The following HYOU1 variants were observed in gnomAD, a reference collection of about 807,000 sequenced individuals.
HYOU1 encodes hypoxia up-regulated protein 1.
HYOU1 carries 40 observed loss-of-function variants against 120.5 expected under a neutral mutation model. The ratio of observed to expected loss-of-function variants is 0.33; its 90% confidence interval spans 0.26 to 0.43. The LOEUF (loss-of-function observed/expected upper bound fraction) is 0.43, where lower values mean the gene tolerates loss of function less well. Among genes scored for constraint, HYOU1 ranks in the 20% least tolerant of loss-of-function variants. The probability of loss-of-function intolerance (pLI) is 1.00; values close to 1 mark genes in which losing one functional copy is unlikely to be tolerated. For synonymous variants in HYOU1, 501 were observed against 479.4 expected (o/e 1.05, Z -0.59); for missense variants, 1,085 against 1,278.3 (o/e 0.85, Z 2.31).
chr11:119,047,981 C>T lies in HYOU1; in HGVS notation c.2476G>A (p.Asp826Asn), dbSNP rs2133559970. Residue 826 changes from aspartate (D) to asparagine (N), a missense_variant, in exon 21 of 26, where the codon GAT becomes AAT. Transcript: ENST00000617285. ...KKWPERLSALDNLLNHSSMFL... is the reference protein window; with the variant it reads ...KKWPERLSALNNLLNHSSMFL... ...ATGCTGGAATGGTTGAGGAGATTATCGAGGGCAGACAGCCGTTCGGGCCAC... is the reference window on the plus strand; with the variant it reads ...ATGCTGGAATGGTTGAGGAGATTATTGAGGGCAGACAGCCGTTCGGGCCAC... 1.0e-4 allele frequency: 167 copies of T among 1,614,032 alleles called. No homozygotes were observed. Among genetic ancestry groups the T allele is most frequent in the Non-Finnish European group, 1.1e-4 (133 of 1,180,034 alleles).
chr11:119,048,989 C>T lies in HYOU1; in HGVS notation c.1992+29G>A, dbSNP rs2133568790. On this transcript the variant is annotated intron_variant, in intron 17 of 25. Transcript: ENST00000617285. The surrounding 1 kb of genome is among the most constrained non-coding windows in gnomAD (Gnocchi z 4.7). ...CGCCTGCTCCCTTAGCCTCTGGATC[C>T]ACACTGGCCTTCCTCTGCCACAGCT... The T allele has an allele frequency of 1.2e-6, 2 of 1,613,030 alleles. No homozygotes were observed. The highest frequency in any genetic ancestry group is 8.5e-7 in the Non-Finnish European group (1 of 1,179,134).
In HYOU1 at chr11:119,055,563, C is replaced by T. The variant is rs2133614222; in HGVS notation, c.194G>A (p.Arg65Gln). 1.2e-5 allele frequency: 20 copies of T among 1,613,888 alleles called. No individual in the cohort carries two copies. The highest frequency in any genetic ancestry group is 4.0e-5 in the African/African-American group (3 of 74,876). Reference sequence around the variant, plus strand: ...GGTCACGATCACCGGTGTTTTCCTCCGAGATTCCCTGAGGAAAAGAGATTT... The same window carrying T: ...GGTCACGATCACCGGTGTTTTCCTCTGAGATTCCCTGAGGAAAAGAGATTT... ...PMEIVLNKES[R>Q]RKTPVIVTLK... Residue 65 changes from arginine to glutamine, a missense_variant, in exon 4 of 26, where the codon CGG becomes CAG. Transcript: ENST00000617285. The surrounding 1 kb of genome is among the most constrained non-coding windows in gnomAD (Gnocchi z 4.0).
rs1313121143 is a variant in HYOU1 at position 119,049,728 on chromosome 11, C to T, written c.1726+49G>A. On this transcript the variant is annotated intron_variant, in intron 15 of 25. Coordinates refer to ENST00000617285, the MANE Select transcript of HYOU1 (RefSeq NM_006389.5). The stretch of plus-strand genomic sequence containing the variant: ...GCCATGCCCTGTCCACCTCCCCAAC[C>T]TTCACACAAGTATATTCTCTCCCAT... 3 of 1,609,412 alleles carry T rather than the reference C, an allele frequency of 1.9e-6. No homozygotes were observed. In the African/African-American group the frequency reaches 4.0e-5, roughly 22 times the overall value.
rs2133589852 is a variant in HYOU1 at position 119,052,059 on chromosome 11, C to T, written c.1205+31G>A. 1 of 1,614,086 alleles carries T rather than the reference C, an allele frequency of 6.2e-7. No homozygotes were observed. Among genetic ancestry groups the T allele is most frequent in the Admixed American group, 1.7e-5 (1 of 60,018 alleles). On this transcript the variant is annotated intron_variant, in intron 11 of 25. Transcript: ENST00000617285. This position sits in a 1 kb window ranked among gnomAD's most constrained non-coding sequence, Gnocchi z 5.0. ...GCCCAAAGCCCTGCCCCAGGCAGAA[C>T]TCAGCCAAGCGCTCTAGCCCCCACA...
rs201408509 is a variant in HYOU1, at chr11:119,051,053, G to A, written c.1647C>T (p.Gly549=). 83 of 1,614,200 alleles carry A rather than the reference G, an allele frequency of 5.1e-5. No individual in the cohort carries two copies. Among genetic ancestry groups the A allele is most frequent in the Non-Finnish European group, 6.5e-5 (77 of 1,180,032 alleles). The change falls in exon 14 of 26, where the codon GGC becomes GGT. Residue 549 remains glycine, a synonymous_variant. Coordinates refer to ENST00000617285, the MANE Select transcript of HYOU1 (RefSeq NM_006389.5). The surrounding 1 kb of genome is among the most constrained non-coding windows in gnomAD (Gnocchi z 4.2). ...CTCTCACCCTGTCTAGACTGAGCAC[G>A]CCACTCTCATCCAGGTTGAAGTGAG... The part of the protein sequence containing the change: ...IKAHFNLDES[G]VLSLDRVESV...
rs200405558 is a variant in HYOU1, at chr11:119,048,490, T to G, written c.2239A>C (p.Ile747Leu). 2.5e-6 allele frequency: 4 copies of G among 1,613,882 alleles called. No homozygotes were observed. In the Admixed American group the frequency reaches 5.0e-5, roughly 20 times the overall value. Residue 747 changes from isoleucine to leucine, a missense_variant, in exon 19 of 26, where the codon ATA becomes CTA. Coordinates refer to ENST00000617285, the MANE Select transcript of HYOU1 (RefSeq NM_006389.5). This position sits in a 1 kb window ranked among gnomAD's most constrained non-coding sequence, Gnocchi z 4.7. ...EKAANSLEAFIFETQDKLYQP... is the reference protein window; with the variant it reads ...EKAANSLEAFLFETQDKLYQP... ...TGCCCACTGACCTGGGTCTCAAATA[T>G]GAATGCTTCCAAGCTGTTGGCAGCT...
chr11:119,056,201 T>G, intron 1 of HYOU1, 34 bp from the exon 2 acceptor site: 3 of 1,451,192 alleles, frequency 2.1e-6, no homozygotes, highest in Non-Finnish European at 2.9e-6. Flanking sequence ...CACTTAAAAC[T>G]GGATACCCGG....
chr11:119,052,497 A>G lies in HYOU1; in HGVS notation c.988-68T>C. On this transcript the variant is annotated intron_variant, in intron 9 of 25. Coordinates refer to ENST00000617285, the MANE Select transcript of HYOU1 (RefSeq NM_006389.5). This position sits in a 1 kb window ranked among gnomAD's most constrained non-coding sequence, Gnocchi z 5.0. The stretch of plus-strand genomic sequence containing the variant: ...CCGCTCTCTTGGTGAGTAGGACAGA[A>G]ACAAAAAGAATAGGTCTTTGGGAGG... The G allele has an allele frequency of 6.2e-7, 1 of 1,608,086 alleles. No homozygotes were observed. The highest frequency in any genetic ancestry group is 8.5e-7 in the Non-Finnish European group (1 of 1,176,372).
Position 119,046,604 on chromosome 11 carries a change from C to T in HYOU1, c.2794G>A (p.Ala932Thr), listed in dbSNP as rs2133551351. 15 of 1,613,950 alleles carry T rather than the reference C, an allele frequency of 9.3e-6. No homozygotes were observed. In the South Asian group the frequency reaches 1.3e-4, roughly 14 times the overall value. Residue 932 changes from alanine (A) to threonine (T), a missense_variant, in exon 23 of 26, where the codon GCC becomes ACC. By Grantham distance (58) the Ala-to-Thr change is moderately conservative. Transcript: ENST00000617285. Reference sequence around the variant, plus strand: ...TTCTCCCCCTGGTCACTGGCACTGGCATTGAGGGGTGGCTCTGCCCGGGTC... The same window carrying T: ...TTCTCCCCCTGGTCACTGGCACTGGTATTGAGGGGTGGCTCTGCCCGGGTC... ...NGTRAEPPLN[A>T]SASDQGEKVI...
In HYOU1 at chr11:119,052,242, G is replaced by A; in HGVS notation, c.1122+53C>T. The A allele has an allele frequency of 9.3e-6, 15 of 1,613,962 alleles. 1 individual carries two copies. Among genetic ancestry groups the A allele is most frequent in the South Asian group, 4.4e-5 (4 of 91,072 alleles). On this transcript the variant is annotated intron_variant, in intron 10 of 25. Transcript: ENST00000617285. The surrounding 1 kb of genome is among the most constrained non-coding windows in gnomAD (Gnocchi z 5.0). Reference sequence around the variant, plus strand: ...CTGACTCGTCCCTTGACGTCCCATGGGTTTCCTATGCCCTTTCCTACGGGG... The same window carrying A: ...CTGACTCGTCCCTTGACGTCCCATGAGTTTCCTATGCCCTTTCCTACGGGG...
rs990527335 is a variant in HYOU1 at position 119,056,154 on chromosome 11, C to G, written c.7G>C (p.Asp3His). MA[D>H]KVRRQRPRRR... ...CTCGGCCTCTGCCTCCTAACTTTGT[C>G]TGCCATAGTGCCCCTGGGGGAGGCG... The change falls in exon 2 of 26, where the codon GAC becomes CAC. Residue 3 changes from aspartate (D) to histidine (H), a missense_variant. Asp to His is a moderately conservative substitution (Grantham distance 81, BLOSUM62 -1). Transcript: ENST00000617285. 1 of 1,613,558 alleles carries G rather than the reference C, an allele frequency of 6.2e-7. No individual in the cohort carries two copies. Among genetic ancestry groups the G allele is most frequent in the Non-Finnish European group, 8.5e-7 (1 of 1,179,858 alleles).
intron 7 of HYOU1, 120 bp from the exon 8 acceptor site, chr11:119,054,356 C>A: frequency 8.4e-7 from 1 of 1,196,372 alleles, no homozygotes; most frequent in Non-Finnish European, 1.2e-6. Context: ...ACAGCTCCAA[C>A]AGGGGCTGGG....
chr11:119,054,323 T>G, intron 7 of HYOU1, 87 bp from the exon 8 acceptor site: 12 of 1,244,910 alleles, frequency 9.6e-6, no homozygotes, highest in Non-Finnish European at 1.3e-5. Flanking sequence ...CAATGGGCTG[T>G]CTGACTCTTA....
At chr11:119,046,254 C>T (rs1318884498) in intron 24 of HYOU1, among the ~76,000 whole-genome samples, 163 bp downstream of exon 24, 1 of 149,864 alleles carries the variant, frequency 6.7e-6, no homozygotes, top group African/African-American at 2.5e-5. Context: ...GCGTGAGCCA[C>T]CGTGCCTGGC....
In HYOU1 at chr11:119,051,739, G is replaced by A. The variant is rs1414702183; in HGVS notation, c.1338+80C>T. 6 of 1,600,422 alleles carry A rather than the reference G, an allele frequency of 3.7e-6. No homozygotes were observed. The highest frequency in any genetic ancestry group is 5.1e-6 in the Non-Finnish European group (6 of 1,169,296). ...CCTCTTAGCAGAAAGACAAAGGGAT[G>A]AGCCAGAGCAGACAGAAGGGGAAAC... On this transcript the variant is annotated intron_variant, in intron 12 of 25. Transcript: ENST00000617285. This position sits in a 1 kb window ranked among gnomAD's most constrained non-coding sequence, Gnocchi z 4.2.
In HYOU1 at chr11:119,055,702, A is replaced by G; in HGVS notation, c.185+48T>C. 6.5e-7 allele frequency: 1 copy of G among 1,545,914 alleles called. No individual in the cohort carries two copies. Among genetic ancestry groups the G allele is most frequent in the Non-Finnish European group, 8.9e-7 (1 of 1,117,790 alleles). ...CTATGACTAACACATTCACACTTGG[A>G]GCCCAGACTCCCTCGTTCCCCACCC... On this transcript the variant is annotated intron_variant, in intron 3 of 25. Coordinates refer to ENST00000617285, the MANE Select transcript of HYOU1 (RefSeq NM_006389.5). The surrounding 1 kb of genome is among the most constrained non-coding windows in gnomAD (Gnocchi z 4.0).
rs2133586986 is a variant in HYOU1, at chr11:119,051,663, T to C, written c.1339-38A>G. 19 of 1,611,084 alleles carry C rather than the reference T, an allele frequency of 1.2e-5. No individual in the cohort carries two copies. The highest frequency in any genetic ancestry group is 1.5e-5 in the Non-Finnish European group (18 of 1,177,804). On this transcript the variant is annotated intron_variant, in intron 12 of 25. Coordinates refer to ENST00000617285, the MANE Select transcript of HYOU1 (RefSeq NM_006389.5). This position sits in a 1 kb window ranked among gnomAD's most constrained non-coding sequence, Gnocchi z 4.2. ...CAGACAGAGGCACACTGTTGCACACTAGAGAACCCGAGTAGGTTCTGGGGT... is the reference window on the plus strand; with the variant it reads ...CAGACAGAGGCACACTGTTGCACACCAGAGAACCCGAGTAGGTTCTGGGGT...
intron 1 of HYOU1, chr11:119,056,411 C>G: frequency 1.7e-6 from 1 of 595,446 alleles, no homozygotes; most frequent in Non-Finnish European, 3.2e-6. Flanking sequence ...CATCCCTAAA[C>G]AGAGAAGCTA....
At chr11:119,056,263 T>A (rs998581330) in intron 1 of HYOU1, 96 bp from the exon 2 acceptor site, 1 of 842,820 alleles carries the variant, frequency 1.2e-6, no homozygotes, top group African/African-American at 1.7e-5. Flanking sequence ...AAGATTCATA[T>A]CTACTTCATT....
Sources: allele counts gnomAD v4.1 joint callset (sites outside exome capture counted in the v4.1 genomes callset), GRCh38; gene constraint gnomAD v4.1.1; non-coding constraint Gnocchi (gnomAD v3.1); transcripts MANE v1.5; gene names NCBI Gene and HGNC (gene_info 2026-07-23, HGNC 2026-07-21).